PLAC1: variants seen among roughly 807,000 people sequenced by gnomAD.
PLAC1 encodes the protein placenta-specific protein 1.
For missense variants in PLAC1, 136 were observed against 163.2 expected (o/e 0.83, Z 0.91); for synonymous variants, 68 against 62.1 (o/e 1.09, Z -0.44).
chrX:134,671,653 C>A (rs1442461813), intron 2 of PLAC1, among the ~76,000 whole-genome samples: 1 of 110,252 alleles, frequency 9.1e-6, no homozygotes, highest in African/African-American at 3.3e-5. Flanking sequence ...AACCATCAGA[C>A]CTCGTGAGAA....
chrX:134,585,545 T>TAAG (rs1556044851), intron 2 of PLAC1, among the ~76,000 whole-genome samples: 1 of 109,399 alleles, frequency 9.1e-6, no homozygotes, highest in Non-Finnish European at 1.9e-5. Flanking sequence ...TTGTTTAAGT[T>TAAG]AAAAAAAATA....
chrX:134,602,634 G>A (rs753524410), intron 1 of PLAC1, among the ~76,000 whole-genome samples: 1 of 112,119 alleles, frequency 8.9e-6, no homozygotes, highest in Non-Finnish European at 1.9e-5. Flanking sequence ...ATGCAGTGGA[G>A]TACTATTCAG....
intron 2 of PLAC1, among the ~76,000 whole-genome samples, chrX:134,710,036 T>C (rs1426867195): frequency 1.8e-5 from 2 of 111,332 alleles, no homozygotes; most frequent in Non-Finnish European, 3.8e-5. Context: ...CAGTATAAAG[T>C]TAAAGATAAG....
chrX:134,730,737 C>T (rs1044397439), intron 2 of PLAC1, among the ~76,000 whole-genome samples: 16 of 111,711 alleles, frequency 1.4e-4, no homozygotes, highest in African/African-American at 3.9e-4. Context: ...GCATAAGCCA[C>T]GGTGCCTGTC....
At chrX:134,720,635 C>T (rs1267401817) in intron 2 of PLAC1, among the ~76,000 whole-genome samples, 1 of 111,655 alleles carries the variant, frequency 9.0e-6, no homozygotes, top group African/African-American at 3.3e-5. Flanking sequence ...GGACAACAAA[C>T]ACGCAAGTGA....
At chrX:134,627,911 T>G (rs2078243583) in intron 1 of PLAC1, among the ~76,000 whole-genome samples, 1 of 111,147 alleles carries the variant, frequency 9.0e-6, no homozygotes, top group Non-Finnish European at 1.9e-5. Context: ...AGACCTGGAT[T>G]TGAGGGGAGG....
At chrX:134,583,727 A>G (rs2077986250) in intron 2 of PLAC1, among the ~76,000 whole-genome samples, 1 of 108,972 alleles carries the variant, frequency 9.2e-6, no homozygotes, top group East Asian at 2.9e-4. Context: ...TTCCGCCCCC[A>G]CCTCCCTCCA....
chrX:134,668,233 A>G (rs1406940756), intron 2 of PLAC1, among the ~76,000 whole-genome samples: 1 of 112,666 alleles, frequency 8.9e-6, no homozygotes, highest in Non-Finnish European at 1.9e-5. Context: ...AGACACAAAG[A>G]TCACATATAC....
intron 1 of PLAC1, among the ~76,000 whole-genome samples, chrX:134,742,661 A>G (rs2078720022): frequency 9.0e-6 from 1 of 111,474 alleles, no homozygotes; most frequent in Admixed American, 9.5e-5. Flanking sequence ...GGTTTTTTTA[A>G]GTCCAAAGTA....
chrX:134,666,365 G>A lies in PLAC1; in HGVS notation n.175-64243C>T, dbSNP rs144558964. 4.4e-3 allele frequency among the ~76,000 whole-genome samples: 494 copies of A among 111,188 alleles called. 3 individuals carry two copies. The highest frequency in any genetic ancestry group is 0.015 in the African/African-American group (470 of 30,550). ...TAAGTCCATTGCCAACTTGCTGGGG[G>A]ACTGCCCAAAGTGTGAAGCTGTGTG... On this transcript the variant is annotated intron_variant and non_coding_transcript_variant, in intron 2 of 2. Transcript: ENST00000466797.
At chrX:134,749,187 C>A (rs1473770904) in intron 1 of PLAC1, among the ~76,000 whole-genome samples, 1 of 111,757 alleles carries the variant, frequency 8.9e-6, no homozygotes, top group African/African-American at 3.3e-5. Context: ...CTTGGTGGTG[C>A]CTGCCTGTAG....
intron 2 of PLAC1, among the ~76,000 whole-genome samples, chrX:134,598,832 A>T (rs1446931794): frequency 2.7e-5 from 3 of 111,750 alleles, no homozygotes; most frequent in Non-Finnish European, 5.6e-5. Context: ...TGAGGGAAAC[A>T]CCATGAGTTT....
At chrX:134,642,350 C>T (rs182034377) in intron 1 of PLAC1, among the ~76,000 whole-genome samples, 15 of 111,956 alleles carry the variant, frequency 1.3e-4, no homozygotes, top group Admixed American at 1.3e-3. Flanking sequence ...TTTGTGAGAT[C>T]TACCTACCAG....
intron 2 of PLAC1, among the ~76,000 whole-genome samples, chrX:134,719,660 G>C (rs1053513320): frequency 9.0e-6 from 1 of 110,880 alleles, no homozygotes; most frequent in Non-Finnish European, 1.9e-5. Flanking sequence ...CGTGGTGATG[G>C]GAGCCTGTAA....
chrX:134,696,454 C>T lies in PLAC1; in HGVS notation n.174+36981G>A, dbSNP rs375542575. Among the ~76,000 whole-genome samples, 18 of 112,057 alleles carry T rather than the reference C, an allele frequency of 1.6e-4. No individual in the cohort carries two copies. In the East Asian group the frequency reaches 4.5e-3, roughly 28 times the overall value. On this transcript the variant is annotated intron_variant and non_coding_transcript_variant, in intron 2 of 2. Coordinates refer to the PLAC1 transcript ENST00000466797. ...AACATAATCCAACTTGTTTTTCTTA[C>T]AGCCTCAGAGAAAAATAGAAAACCA...
At chrX:134,609,251 C>T (rs753975252) in intron 1 of PLAC1, among the ~76,000 whole-genome samples, 1 of 111,498 alleles carries the variant, frequency 9.0e-6, no homozygotes, top group African/African-American at 3.3e-5. Flanking sequence ...GTCATGGGCC[C>T]CTCTTATATC....
chrX:134,737,154 T>C, intron 1 of PLAC1, among the ~76,000 whole-genome samples: 1 of 112,757 alleles, frequency 8.9e-6, no homozygotes, highest in East Asian at 2.8e-4. Context: ...CCCTCTGGCA[T>C]GGAGGCGCTG....
chrX:134,637,820 C>G (rs1188563060), intron 1 of PLAC1, among the ~76,000 whole-genome samples: 1 of 111,576 alleles, frequency 9.0e-6, no homozygotes. Context: ...CGCACTCCAG[C>G]CTGGGCAACA....
At chrX:134,672,705 G>GA (rs1377587410) in intron 2 of PLAC1, among the ~76,000 whole-genome samples, 9 of 112,146 alleles carry the variant, frequency 8.0e-5, no homozygotes, top group South Asian at 7.4e-4. Flanking sequence ...GGCTCCATTT[G>GA]AAAAAAAATC....
Sources: allele counts gnomAD v4.1 joint callset (sites outside exome capture counted in the v4.1 genomes callset), GRCh38; gene constraint gnomAD v4.1.1; transcripts MANE v1.5; gene names NCBI Gene and HGNC (gene_info 2026-07-23, HGNC 2026-07-21).